Variants in NUB1 observed in about 807,000 individuals in gnomAD.
The protein encoded by NUB1 is negative regulator of ubiquitin like proteins 1.
A neutral mutation model predicts 77.1 loss-of-function variants in NUB1; 41 were observed. That is an observed-to-expected ratio of 0.53 (90% CI 0.41 to 0.69). NUB1 has a LOEUF of 0.69. Ranked by LOEUF, NUB1 falls within the 30% of genes least tolerant of loss-of-function variation. The pLI, the probability that NUB1 is intolerant of heterozygous loss-of-function variation, is 0.00. For synonymous variants in NUB1, 257 were observed against 281.0 expected, an observed-to-expected ratio of 0.91 and a Z score of 0.85; for missense variants, 643 against 743.8, an observed-to-expected ratio of 0.86 and a Z score of 1.58.
At position 151,349,067 on chromosome 7, in the gene NUB1, T is replaced by G; in HGVS notation, c.118-6T>G. 6.2e-7 allele frequency: 1 copy of G among 1,600,206 alleles called. No individual in the cohort carries two copies. The highest frequency in any genetic ancestry group is 8.5e-7 in the Non-Finnish European group (1 of 1,176,510). On this transcript the variant is annotated splice_polypyrimidine_tract_variant and splice_region_variant and intron_variant, in intron 2 of 14. Transcript: ENST00000568733. ...CAGTATTGCATTTTCTGATTTTTCT[T>G]GATAGGACCTTGCTAAGCAGTACTC... is the stretch of plus-strand genomic sequence containing the variant.
At chr7:151,350,213 C>T (rs1161702633) in intron 3 of NUB1, among the ~76,000 whole-genome samples, 1 of 152,256 alleles carries the variant, frequency 6.6e-6, no homozygotes, top group Non-Finnish European at 1.5e-5. Flanking sequence ...GAAACAGGAG[C>T]GGGACCACTG....
rs1796789714 is a variant in NUB1 at position 151,351,413 on chromosome 7, ATTT to A, written c.286-8_286-6del. ...ATTCAAGTACGTTTTACTTTGTCTT[ATTT>A]TTAACAGGATAGGAAAAACTTGTTG... On this transcript the variant is annotated splice_polypyrimidine_tract_variant and splice_region_variant and intron_variant, in intron 3 of 14. Coordinates refer to ENST00000568733, the MANE Select transcript of NUB1 (RefSeq NM_001243351.2). 5.6e-6 allele frequency: 9 copies of A among 1,602,276 alleles called. No individual in the cohort carries two copies. The highest frequency in any genetic ancestry group is 7.7e-6 in the Non-Finnish European group (9 of 1,170,998).
chr7:151,374,198 G>A lies in NUB1; in HGVS notation c.1350G>A (p.Gln450=). ...KGMGYSTHAA[Q]QVLHAASGNL... The stretch of plus-strand genomic sequence containing the variant: ...TGGGCTACTCCACGCACGCGGCCCA[G>A]CAGGTACTCCACGCAGCCAGCGGGA... Residue 450 remains glutamine (Q), a synonymous_variant, in exon 12 of 15, where the codon CAG becomes CAA. Transcript: ENST00000568733. The A allele has an allele frequency of 6.4e-7, 1 of 1,571,418 alleles. No individual in the cohort carries two copies. The highest frequency in any genetic ancestry group is 1.9e-5 in the Admixed American group (1 of 53,446).
Position 151,368,868 on chromosome 7 carries a change from A to G in NUB1, c.1229A>G (p.His410Arg), listed in dbSNP as rs369943539. The G allele has an allele frequency of 1.2e-6, 2 of 1,613,560 alleles. No individual in the cohort carries two copies. The highest frequency in any genetic ancestry group is 4.5e-5 in the East Asian group (2 of 44,880). Residue 410 changes from histidine (H) to arginine (R), a missense_variant, in exon 11 of 15, where the codon CAT becomes CGT. By Grantham distance (29) the His-to-Arg change is conservative. Coordinates refer to ENST00000568733, the MANE Select transcript of NUB1 (RefSeq NM_001243351.2). ...GGGAACGTGGATCATGCGGCCACTCATATTACCAACCGCAGAGAGGTACCC... is the reference window on the plus strand; with the variant it reads ...GGGAACGTGGATCATGCGGCCACTCGTATTACCAACCGCAGAGAGGTACCC... Reference protein sequence around the residue: ...CDGNVDHAATHITNRREELAQ... With the variant: ...CDGNVDHAATRITNRREELAQ...
chr7:151,376,040 G>A lies in NUB1; in HGVS notation c.1491+97G>A, dbSNP rs928996494. Reference sequence around the variant, plus strand: ...TCAGGCAGCAGGACTGGGGGAGTCCGTGCTGAAACCTTGGCTCCCAGGCTC... The same window carrying A: ...TCAGGCAGCAGGACTGGGGGAGTCCATGCTGAAACCTTGGCTCCCAGGCTC... On this transcript the variant is annotated intron_variant, in intron 13 of 14. Transcript: ENST00000568733. The A allele has an allele frequency of 2.4e-4, 188 of 794,912 alleles. No individual in the cohort carries two copies. In the African/African-American group the frequency reaches 2.4e-3, roughly 10 times the overall value. 49.2% of individuals were successfully genotyped at this position (794,912 alleles called of 1,614,324 possible).
chr7:151,377,699 C>G lies in NUB1; in HGVS notation c.*474C>G, dbSNP rs542425467. On this transcript the variant is annotated 3_prime_UTR_variant, in exon 15 of 15. Coordinates refer to ENST00000568733, the MANE Select transcript of NUB1 (RefSeq NM_001243351.2). ...GGTGCCACATGGGTTCCTGTGCCAC[C>G]CTTTCCCCGCCCCTCAAATCGTCCT... 1.3e-5 allele frequency: 2 copies of G among 152,706 alleles called. No individual in the cohort carries two copies. The highest frequency in any genetic ancestry group is 4.8e-5 in the African/African-American group (2 of 41,580). The allele number at this position is 152,706 out of a possible 1,614,324, so 9.5% of individuals were successfully genotyped here. A position where few individuals can be genotyped will look rare whatever the true frequency, so the allele number is the denominator to read the frequency against.
At chr7:151,348,936 A>G (rs421635) in intron 2 of NUB1, 137 bp from the exon 3 acceptor site, 522,535 of 693,736 alleles carry the variant, frequency 0.75, 198,842 homozygotes, top group East Asian at 0.99. Context: ...AAGATGTCAA[A>G]CCACAGTGTG....
In NUB1 at chr7:151,367,020, G is replaced by A. The variant is rs1278281331; in HGVS notation, c.882G>A (p.Leu294=). 2 of 1,613,766 alleles carry A rather than the reference G, an allele frequency of 1.2e-6. No homozygotes were observed. The highest frequency in any genetic ancestry group is 2.7e-5 in the African/African-American group (2 of 74,900). The stretch of plus-strand genomic sequence containing the variant: ...ATATAGTGTGGTGTTACTTCCGCCT[G>A]GAACAGCTGGAATGCCTTGATGATG... ...QLDIVWCYFR[L]EQLECLDDAE... is the part of the protein sequence containing the mutation. The change falls in exon 9 of 15, where the codon CTG becomes CTA. Residue 294 remains leucine (L), a synonymous_variant. Coordinates refer to ENST00000568733, the MANE Select transcript of NUB1 (RefSeq NM_001243351.2).
intron 8 of NUB1, among the ~76,000 whole-genome samples, chr7:151,364,611 G>A (rs1310381591): frequency 6.6e-6 from 1 of 151,778 alleles, no homozygotes; most frequent in Non-Finnish European, 1.5e-5. Flanking sequence ...TGCAACCTCC[G>A]CCTCCTGGGT....
rs114748994 is a variant in NUB1, at chr7:151,375,909, G to A, written c.1457G>A (p.Arg486His). The change falls in exon 13 of 15, where the codon CGT (arginine) becomes CAT (histidine). Residue 486 changes from arginine (R) to histidine (H), a missense_variant. Arg to His is a conservative substitution (Grantham distance 29). Transcript: ENST00000568733. ...GATTCCAATCCTGAAACCGACAACC[G>A]TCAAGAAAGTCCTTCCCAGGAAAAC... The part of the protein sequence containing the change: ...LNDSNPETDN[R>H]QESPSQENID... 3.0e-4 allele frequency: 489 copies of A among 1,612,752 alleles called. 1 individual carries two copies. The African/African-American group carries it at 5.2e-3, about 17-fold the overall frequency.
chr7:151,356,057 C>T (rs1745913950), intron 6 of NUB1, 71 bp from the exon 7 acceptor site: 2 of 1,547,940 alleles, frequency 1.3e-6, no homozygotes, highest in Non-Finnish European at 8.9e-7. Context: ...AACAGTCTAA[C>T]ATTTTTAAGG....
chr7:151,373,985 C>G (rs1798083847), intron 11 of NUB1, 112 bp from the exon 12 acceptor site: 2 of 1,233,108 alleles, frequency 1.6e-6, no homozygotes, highest in African/African-American at 1.5e-5. Flanking sequence ...CTGTGCTTTG[C>G]TTTGGTTTTT....
intron 13 of NUB1, 124 bp downstream of exon 13, chr7:151,376,067 A>T: frequency 1.4e-6 from 1 of 706,208 alleles, no homozygotes; most frequent in Non-Finnish European, 2.6e-6. Flanking sequence ...CCCAGGCTCC[A>T]GGTGTAACCT....
intron 14 of NUB1, 52 bp downstream of exon 14, chr7:151,376,863 C>A: frequency 6.6e-7 from 1 of 1,523,998 alleles, no homozygotes; most frequent in Non-Finnish European, 8.9e-7. Context: ...TCTTCAGAAG[C>A]CAACAGATGT....
Position 151,366,974 on chromosome 7 carries a change from AC to A in NUB1, c.837del (p.Tyr280ThrfsTer8). The A allele has an allele frequency of 6.2e-7, 1 of 1,613,338 alleles. No individual in the cohort carries two copies. The highest frequency in any genetic ancestry group is 1.3e-5 in the African/African-American group (1 of 75,054). ...CCRELLDTVD[N>X]YAVLQLDIVW... is the part of the protein sequence containing the mutation. ...AGAGAGCTGCTGGACACAGTGGATA[AC>A]TACGCCGTCCTCCAGCTGGATATAG... On this transcript the variant is annotated frameshift_variant, in exon 9 of 15. Transcript: ENST00000568733. LOFTEE classifies it high-confidence loss of function.
intron 4 of NUB1, chr7:151,351,990 C>A: frequency 2.5e-6 from 1 of 407,696 alleles, no homozygotes. Flanking sequence ...GTTATTTCAT[C>A]TCCTTGTATG....
chr7:151,363,816 C>T (rs1209955186), intron 8 of NUB1, among the ~76,000 whole-genome samples: 3 of 151,944 alleles, frequency 2.0e-5, no homozygotes, highest in African/African-American at 4.8e-5. Flanking sequence ...CTCACTCTGT[C>T]GCCCAGGCTG....
chr7:151,364,148 C>T (rs1449891943), intron 8 of NUB1, among the ~76,000 whole-genome samples: 4 of 146,710 alleles, frequency 2.7e-5, no homozygotes, highest in South Asian at 4.8e-4. Context: ...CCTGGCCGGG[C>T]GCGGTGGCTC....
At chr7:151,371,843 C>T (rs77860613) in intron 11 of NUB1, among the ~76,000 whole-genome samples, 1,967 of 152,208 alleles carry the variant, frequency 0.013, 21 homozygotes, top group Non-Finnish European at 0.018. Flanking sequence ...TCCCGGGCTC[C>T]AATGATCCTC....
Sources: allele counts gnomAD v4.1 joint callset (sites outside exome capture counted in the v4.1 genomes callset), GRCh38; gene constraint gnomAD v4.1.1; transcripts MANE v1.5; gene names NCBI Gene and HGNC (gene_info 2026-07-23, HGNC 2026-07-21).